The following ENY2 variants were observed in gnomAD, a reference collection of about 807,000 sequenced individuals.
ENY2 encodes the protein ENY2 transcription and export complex 2 subunit, also known as transcription and mRNA export factor ENY2.
A neutral mutation model predicts 15.9 loss-of-function variants in ENY2; 4 were observed. The ratio of observed to expected loss-of-function variants is 0.25; its 90% CI spans 0.12 to 0.57. ENY2 has a LOEUF of 0.57. ENY2 is among the 20% of genes least tolerant of loss of function. ENY2 has a pLI of 0.91. For missense variants in ENY2, 54 were observed against 117.2 expected, an observed-to-expected ratio of 0.46 and a Z score of 2.49; for synonymous variants, 48 against 38.0, an observed-to-expected ratio of 1.26 and a Z score of -0.97.
intron 4 of ENY2, chr8:109,342,735 C>T: frequency 2.9e-6 from 2 of 697,988 alleles, no homozygotes; most frequent in East Asian, 2.7e-5. Flanking sequence ...AGCTCCCGGA[C>T]TCAGGCAATC....
At position 109,343,482 on chromosome 8, in the gene ENY2, G is replaced by T. The variant is rs1816166540; in HGVS notation, c.*1G>T. On this transcript the variant is annotated 3_prime_UTR_variant, in exon 5 of 5. Coordinates refer to ENST00000521688, the MANE Select transcript of ENY2 (RefSeq NM_020189.6). The stretch of plus-strand genomic sequence containing the variant: ...CCTTGCTCAGCATGCCAGCCTTTAA[G>T]ATTGAATTAGATTGTGTTGTTGTGG... The T allele has an allele frequency of 6.2e-7, 1 of 1,606,578 alleles. No homozygotes were observed. The highest frequency in any genetic ancestry group is 1.3e-5 in the African/African-American group (1 of 74,510).
Position 109,342,164 on chromosome 8 carries a change from C to CTT in ENY2, c.230-1229_230-1228dup, listed in dbSNP as rs66571830. Among the ~76,000 whole-genome samples the CTT allele has an allele frequency of 4.8e-4, 63 of 131,000 alleles. 1 individual carries two copies. Among genetic ancestry groups the CTT allele is most frequent in the African/African-American group, 1.5e-3 (58 of 37,880 alleles). 85.9% of individuals were successfully genotyped at this position (131,000 alleles called of 152,430 possible). On this transcript the variant is annotated intron_variant, in intron 4 of 4. Coordinates refer to ENST00000521688, the MANE Select transcript of ENY2 (RefSeq NM_020189.6). ...GTTAGAAGTTTTAGTTAACCCCCCC[C>CTT]TTTTTTTTTTTTTGCATTTATGGTT...
rs767089526 is a variant in ENY2 at position 109,339,326 on chromosome 8, A to G, written c.90A>G (p.Lys30=). 8.1e-6 allele frequency: 13 copies of G among 1,613,652 alleles called. No individual in the cohort carries two copies. The East Asian group carries it at 1.3e-4, about 17-fold the overall frequency. ...LIETGERERL[K]ELLRAKLIEC... ...AACACTTCTGTTTCAACAGCCTCAA[A>G]GAGTTGCTGAGAGCTAAATTAATTG... The change falls in exon 3 of 5, where the codon AAA becomes AAG. Residue 30 remains lysine, a synonymous_variant. Coordinates refer to ENST00000521688, the MANE Select transcript of ENY2 (RefSeq NM_020189.6).
Position 109,334,384 on chromosome 8 carries a change from C to A in ENY2, c.-85C>A. 6.3e-7 allele frequency: 1 copy of A among 1,599,534 alleles called. No individual in the cohort carries two copies. The highest frequency in any genetic ancestry group is 8.5e-7 in the Non-Finnish European group (1 of 1,170,062). On this transcript the variant is annotated 5_prime_UTR_variant, in exon 1 of 5. Coordinates refer to ENST00000521688, the MANE Select transcript of ENY2 (RefSeq NM_020189.6). Reference sequence around the variant, plus strand: ...GCCCGAGCTACTGAGGGTCTAAGTCCGGGCAGCCGAAGAGTGTGGTAGGTA... The same window carrying A: ...GCCCGAGCTACTGAGGGTCTAAGTCAGGGCAGCCGAAGAGTGTGGTAGGTA...
rs1393069021 is a variant in ENY2 at position 109,334,590 on chromosome 8, G to A, written c.6+116G>A. 2.4e-5 allele frequency: 31 copies of A among 1,277,888 alleles called. No individual in the cohort carries two copies. The East Asian group carries it at 7.6e-4, about 31-fold the overall frequency. The allele number at this position is 1,277,888 out of a possible 1,614,324, so 79.2% of individuals were successfully genotyped here. On this transcript the variant is annotated intron_variant, in intron 1 of 4. Coordinates refer to ENST00000521688, the MANE Select transcript of ENY2 (RefSeq NM_020189.6). ...CGCTCGCGGGCCTGTAGGGCTCTCC[G>A]ACAGGGCGTGCTACCGGAGTTGGCC...
intron 3 of ENY2, among the ~76,000 whole-genome samples, chr8:109,339,953 C>T (rs1168792099): frequency 2.0e-5 from 3 of 152,060 alleles, no homozygotes; most frequent in African/African-American, 7.2e-5. Context: ...TAAAAATAAA[C>T]TATATGTTAA....
intron 4 of ENY2, among the ~76,000 whole-genome samples, chr8:109,342,321 A>C (rs1341441342): frequency 1.3e-5 from 2 of 151,424 alleles, no homozygotes; most frequent in Non-Finnish European, 2.9e-5. Context: ...ACCTTCTAAA[A>C]CATATACCAG....
At chr8:109,334,661 C>T (rs1815915483) in intron 1 of ENY2, 187 bp downstream of exon 1, 3 of 613,710 alleles carry the variant, frequency 4.9e-6, no homozygotes, top group African/African-American at 3.8e-5. Context: ...TCTCCCGCCT[C>T]TCCCGCTGTC....
At chr8:109,335,149 G>A (rs544105148) in intron 1 of ENY2, 2 of 152,202 alleles carry the variant, frequency 1.3e-5, no homozygotes, top group African/African-American at 4.8e-5. Flanking sequence ...CATCATTTTG[G>A]TTTGGGTTGT....
chr8:109,342,430 A>G (rs1301933166), intron 4 of ENY2, among the ~76,000 whole-genome samples: 2 of 150,372 alleles, frequency 1.3e-5, no homozygotes, highest in Admixed American at 6.7e-5. Flanking sequence ...ATATGTGTAT[A>G]CTTAAAATAT....
Position 109,345,558 on chromosome 8 carries a change from C to T in ENY2, c.*2077C>T, listed in dbSNP as rs1404723513. 1 of 152,018 alleles carries T rather than the reference C, an allele frequency of 6.6e-6. No homozygotes were observed. Among genetic ancestry groups the T allele is most frequent in the East Asian group, 1.9e-4 (1 of 5,186 alleles). 9.4% of individuals were successfully genotyped at this position (152,018 alleles called of 1,614,324 possible). ...ACTTCATCTCTTATAAAACAATGTTCTAAAGTAAGTGATAGGGATGCTCAT... is the reference window on the plus strand; with the variant it reads ...ACTTCATCTCTTATAAAACAATGTTTTAAAGTAAGTGATAGGGATGCTCAT... On this transcript the variant is annotated 3_prime_UTR_variant, in exon 5 of 5. Coordinates refer to ENST00000521688, the MANE Select transcript of ENY2 (RefSeq NM_020189.6).
chr8:109,334,398 G>C lies in ENY2; in HGVS notation c.-71G>C, dbSNP rs1815903782. 17 of 1,610,934 alleles carry C rather than the reference G, an allele frequency of 1.1e-5. No homozygotes were observed. In the South Asian group the frequency reaches 1.8e-4, roughly 17 times the overall value. ...GGGTCTAAGTCCGGGCAGCCGAAGAGTGTGGTAGGTAACGGTCCTCAGCGC... is the reference window on the plus strand; with the variant it reads ...GGGTCTAAGTCCGGGCAGCCGAAGACTGTGGTAGGTAACGGTCCTCAGCGC... On this transcript the variant is annotated 5_prime_UTR_variant, in exon 1 of 5. Coordinates refer to ENST00000521688, the MANE Select transcript of ENY2 (RefSeq NM_020189.6).
intron 2 of ENY2, among the ~76,000 whole-genome samples, chr8:109,337,802 G>A (rs1816022270): frequency 6.6e-6 from 1 of 152,136 alleles, no homozygotes; most frequent in Non-Finnish European, 1.5e-5. Context: ...AGGAGGCTGA[G>A]GCAGGTGAAT....
intron 2 of ENY2, chr8:109,338,283 G>C (rs1816035540): frequency 6.6e-6 from 1 of 152,160 alleles, no homozygotes; most frequent in Non-Finnish European, 1.5e-5. Flanking sequence ...TGAATTCTAG[G>C]TATATGTTTT....
At chr8:109,342,444 T>C (rs1286938850) in intron 4 of ENY2, among the ~76,000 whole-genome samples, 1 of 150,154 alleles carries the variant, frequency 6.7e-6, no homozygotes, top group East Asian at 1.9e-4. Context: ...AAAATATATA[T>C]TATGTATGTT....
At chr8:109,341,906 A>G (rs1441764894) in intron 4 of ENY2, among the ~76,000 whole-genome samples, 1 of 152,102 alleles carries the variant, frequency 6.6e-6, no homozygotes, top group Non-Finnish European at 1.5e-5. Context: ...TTTCAAGGCA[A>G]CTCACTAATC....
At chr8:109,338,315 G>C (rs1332101686) in intron 2 of ENY2, 2 of 152,188 alleles carry the variant, frequency 1.3e-5, no homozygotes, top group African/African-American at 2.4e-5. Flanking sequence ...AATAGGATTT[G>C]CTCATAAATT....
intron 1 of ENY2, 129 bp downstream of exon 1, chr8:109,334,603 A>G: frequency 1.7e-6 from 2 of 1,189,866 alleles, no homozygotes; most frequent in East Asian, 2.8e-5. Flanking sequence ...AGGGCGTGCT[A>G]CCGGAGTTGG....
rs1816234684 is a variant in ENY2 at position 109,345,879 on chromosome 8, T to A, written c.*2398T>A. ...CTCTACCCCACCACCTGTAGGCTTC[T>A]TTGACAACTTACAAATGTTCTCTAG... On this transcript the variant is annotated 3_prime_UTR_variant, in exon 5 of 5. Coordinates refer to ENST00000521688, the MANE Select transcript of ENY2 (RefSeq NM_020189.6). 6.6e-6 allele frequency: 1 copy of A among 152,214 alleles called. No homozygotes were observed. The highest frequency in any genetic ancestry group is 2.4e-5 in the African/African-American group (1 of 41,464). The allele number at this position is 152,214 out of a possible 1,614,324, so 9.4% of individuals were successfully genotyped here.
Sources: allele counts gnomAD v4.1 joint callset (sites outside exome capture counted in the v4.1 genomes callset), GRCh38; gene constraint gnomAD v4.1.1; transcripts MANE v1.5; gene names NCBI Gene and HGNC (gene_info 2026-07-23, HGNC 2026-07-21).